PIEZO2: variants seen among roughly 807,000 people sequenced by gnomAD.
PIEZO2 encodes the protein piezo type mechanosensitive ion channel component 2, also known as piezo-type mechanosensitive ion channel component 2.
PIEZO2 carries 172 observed loss-of-function variants against 337.3 expected under a neutral mutation model. The ratio of observed to expected loss-of-function variants is 0.51; its 90% confidence interval spans 0.45 to 0.58. The LOEUF is 0.58. Among genes scored for constraint, PIEZO2 ranks in the 20% least tolerant of loss-of-function variants. The pLI is 0.00. For synonymous variants in PIEZO2, 1,251 were observed against 1,228.5 expected, an observed-to-expected ratio of 1.02 and a Z score of -0.38; for missense variants, 3,028 against 3,391.3, an observed-to-expected ratio of 0.89 and a Z score of 2.66.
intron 43 of PIEZO2, chr18:10,701,730 A>T (rs1378223467): frequency 5.6e-6 from 2 of 354,708 alleles, no homozygotes; most frequent in Non-Finnish European, 1.0e-5. Context: ...GGTTGGAAAC[A>T]TGGGGAAACA....
At chr18:10,901,924 A>G (rs1467399474) in intron 4 of PIEZO2, among the ~76,000 whole-genome samples, 3 of 152,232 alleles carry the variant, frequency 2.0e-5, no homozygotes, top group African/African-American at 7.2e-5. Context: ...ACAAAAAAAA[A>G]AAAAGGAGAG....
intron 1 of PIEZO2, among the ~76,000 whole-genome samples, chr18:11,140,367 G>A (rs1283697247): frequency 1.3e-5 from 2 of 152,060 alleles, no homozygotes; most frequent in African/African-American, 2.4e-5. Context: ...GCCTGTTTCC[G>A]CCACCAACCA....
chr18:10,787,098 G>A lies in PIEZO2; in HGVS notation c.2256C>T (p.Tyr752=). Reference sequence around the variant, plus strand: ...CTGGGAAGTTCTCAAACTGATATGTGTATATAAAGATAAGCACCAGCATAG... The same window carrying A: ...CTGGGAAGTTCTCAAACTGATATGTATATATAAAGATAAGCACCAGCATAG... ...IYTMLVLIFI[Y]TYQFENFPGL... Residue 752 remains tyrosine (Y), a synonymous_variant, in exon 16 of 56, where the codon TAC becomes TAT. Transcript: ENST00000674853. 6.5e-7 allele frequency: 1 copy of A among 1,535,018 alleles called. No homozygotes were observed. The highest frequency in any genetic ancestry group is 8.7e-7 in the Non-Finnish European group (1 of 1,145,408).
rs575736834 is a variant in PIEZO2 at position 11,033,396 on chromosome 18, G to A, written c.160+32731C>T. On this transcript the variant is annotated intron_variant, in intron 2 of 55. Transcript: ENST00000674853. This position sits in a 1 kb window ranked among gnomAD's most constrained non-coding sequence, Gnocchi z 4.2. Reference sequence around the variant, plus strand: ...TCTCCTGCCCACCTAAGGCAGACACGCCCCTGGATTTGTGTGAACATTCTA... The same window carrying A: ...TCTCCTGCCCACCTAAGGCAGACACACCCCTGGATTTGTGTGAACATTCTA... Among the ~76,000 whole-genome samples, 1 of 152,188 alleles carries A rather than the reference G, an allele frequency of 6.6e-6. No homozygotes were observed. The highest frequency in any genetic ancestry group is 1.5e-5 in the Non-Finnish European group (1 of 68,046).
chr18:10,780,637 C>T (rs1017564077), intron 17 of PIEZO2, among the ~76,000 whole-genome samples: 14 of 148,662 alleles, frequency 9.4e-5, no homozygotes, highest in Non-Finnish European at 1.6e-4. Flanking sequence ...CACTTTATTA[C>T]AAATTTGTAA....
Position 10,726,508 on chromosome 18 carries a change from G to T in PIEZO2, c.5029+4899C>A. 1 of 1,488,430 alleles carries T rather than the reference G, an allele frequency of 6.7e-7. No individual in the cohort carries two copies. Among genetic ancestry groups the T allele is most frequent in the Non-Finnish European group, 8.9e-7 (1 of 1,123,792 alleles). 92.2% of individuals were successfully genotyped at this position (1,488,430 alleles called of 1,614,324 possible). A position where few individuals can be genotyped will look rare whatever the true frequency, so the allele number is the denominator to read the frequency against. The stretch of plus-strand genomic sequence containing the variant: ...ACAGCGTGCTGCTCCGCAAGCAGCC[G>T]TTCCTGTGGCGCGCTGCGCTGCTCT... On this transcript the variant is annotated intron_variant, in intron 36 of 55. Transcript: ENST00000674853. This position sits in a 1 kb window ranked among gnomAD's most constrained non-coding sequence, Gnocchi z 5.9.
chr18:11,059,858 A>G (rs1055247386), intron 2 of PIEZO2, among the ~76,000 whole-genome samples: 32 of 152,204 alleles, frequency 2.1e-4, no homozygotes, highest in Non-Finnish European at 1.2e-4. Flanking sequence ...TGAGACAGAA[A>G]GTTAACAAGG....
Position 11,146,543 on chromosome 18 carries a change from G to C in PIEZO2, c.64+1982C>G, listed in dbSNP as rs1275329476. The stretch of plus-strand genomic sequence containing the variant: ...GGCCAGCTCCCCTTGGGAGGGCAGA[G>C]TACTACAGCCCTACTGAAGGAGTTT... On this transcript the variant is annotated intron_variant, in intron 1 of 55. Coordinates refer to ENST00000674853, the MANE Select transcript of PIEZO2 (RefSeq NM_001378183.1). This position sits in a 1 kb window ranked among gnomAD's most constrained non-coding sequence, Gnocchi z 6.1. Among the ~76,000 whole-genome samples the C allele has an allele frequency of 1.3e-5, 2 of 152,226 alleles. No homozygotes were observed. Among genetic ancestry groups the C allele is most frequent in the African/African-American group, 4.8e-5 (2 of 41,460 alleles).
Position 10,781,764 on chromosome 18 carries a change from T to C in PIEZO2, c.2493-1398A>G, listed in dbSNP as rs539476486. 1.6e-4 allele frequency among the ~76,000 whole-genome samples: 25 copies of C among 152,214 alleles called. No individual in the cohort carries two copies. The highest frequency in any genetic ancestry group is 1.3e-4 in the Non-Finnish European group (9 of 68,024). ...TTACATCTGTGTGCATAAGCACATA[T>C]ACACCAACAAGTGACACAACAGGAA... On this transcript the variant is annotated intron_variant, in intron 17 of 55. Transcript: ENST00000674853. The surrounding 1 kb of genome is among the most constrained non-coding windows in gnomAD (Gnocchi z 4.1).
chr18:11,057,742 C>T, intron 2 of PIEZO2, among the ~76,000 whole-genome samples: 1 of 152,186 alleles, frequency 6.6e-6, no homozygotes, highest in East Asian at 1.9e-4. Flanking sequence ...AAAAGCTGTT[C>T]CAACTTTAAA....
intron 43 of PIEZO2, among the ~76,000 whole-genome samples, chr18:10,701,197 AAAGT>A (rs888030136): frequency 6.6e-6 from 1 of 152,286 alleles, no homozygotes; most frequent in East Asian, 1.9e-4. Context: ...CGAGGGAAAG[AAAGT>A]AAGGTTGTAA....
chr18:10,826,520 C>A (rs2040682682), intron 7 of PIEZO2, among the ~76,000 whole-genome samples: 1 of 152,178 alleles, frequency 6.6e-6, no homozygotes, highest in Non-Finnish European at 1.5e-5. Flanking sequence ...GGAAACTAAT[C>A]AAATAAAGCA....
intron 34 of PIEZO2, 79 bp downstream of exon 34, chr18:10,736,525 G>A (rs943717581): frequency 1.3e-6 from 2 of 1,507,430 alleles, no homozygotes; most frequent in African/African-American, 2.8e-5. Flanking sequence ...ATTACAGGAG[G>A]TGTCTAGGCC....
intron 1 of PIEZO2, among the ~76,000 whole-genome samples, chr18:11,124,462 A>G (rs1385899797): frequency 6.6e-6 from 1 of 152,232 alleles, no homozygotes; most frequent in Non-Finnish European, 1.5e-5. Context: ...AGTTGAAAAT[A>G]CCTGCAGGAT....
intron 44 of PIEZO2, among the ~76,000 whole-genome samples, 167 bp from the exon 45 acceptor site, chr18:10,698,047 G>A (rs1374696934): frequency 2.7e-5 from 2 of 73,230 alleles, no homozygotes; most frequent in Admixed American, 3.0e-4. Flanking sequence ...TGCTCCCATC[G>A]CAGGCCTGTG....
In PIEZO2 at chr18:10,827,439, CATGTTTA is replaced by C. The variant is rs996017891; in HGVS notation, c.918-20172_918-20166del. Among the ~76,000 whole-genome samples, 200 of 152,170 alleles carry C rather than the reference CATGTTTA, an allele frequency of 1.3e-3. 1 individual carries two copies. The highest frequency in any genetic ancestry group is 4.5e-3 in the African/African-American group (186 of 41,472). On this transcript the variant is annotated intron_variant, in intron 7 of 55. Coordinates refer to ENST00000674853, the MANE Select transcript of PIEZO2 (RefSeq NM_001378183.1). ...CACTTTTTAAATCATACATTTTCCC[CATGTTTA>C]ATGTTTAATAATCAAAATCAACCCA...
In PIEZO2 at chr18:11,066,152, T is replaced by C. The variant is rs1261607232; in HGVS notation, c.135A>G (p.Ser45=). The C allele has an allele frequency of 2.6e-6, 4 of 1,536,270 alleles. No individual in the cohort carries two copies. Among genetic ancestry groups the C allele is most frequent in the Non-Finnish European group, 3.5e-6 (4 of 1,146,186 alleles). Reference sequence around the variant, plus strand: ...CTTGCATCGTCGTTTTTGTTGGTTCTGAGAACAGAGGAATGAGCAAGAGGT... The same window carrying C: ...CTTGCATCGTCGTTTTTGTTGGTTCCGAGAACAGAGGAATGAGCAAGAGGT... ...LIYLLLIPLF[S]EPTKTTMQGH... The change falls in exon 2 of 56, where the codon TCA becomes TCG. Residue 45 remains serine, a synonymous_variant. Transcript: ENST00000674853.
intron 7 of PIEZO2, among the ~76,000 whole-genome samples, chr18:10,832,651 C>T (rs116271254): frequency 0.026 from 3,946 of 152,214 alleles, 180 homozygotes; most frequent in African/African-American, 0.091. Flanking sequence ...ACTGAACAAA[C>T]GCAGGAAAGA....
intron 2 of PIEZO2, among the ~76,000 whole-genome samples, chr18:11,051,684 G>A (rs527626822): frequency 4.6e-5 from 7 of 152,322 alleles, no homozygotes; most frequent in South Asian, 2.1e-4. Flanking sequence ...GTAGCTGGAT[G>A]CGTGTCCCCT....
Sources: gnomAD v4.1 joint callset for allele counts (sites outside exome capture counted in the v4.1 genomes callset) on GRCh38, gnomAD v4.1.1 for gene constraint, Gnocchi (gnomAD v3.1) non-coding constraint, MANE v1.5 for transcripts, NCBI Gene and HGNC (gene_info 2026-07-23, HGNC 2026-07-21) for gene names.